Variants in SMARCA2 observed in about 807,000 individuals in gnomAD.
The protein encoded by SMARCA2 is SWI/SNF related BAF chromatin remodeling complex subunit ATPase 2.
In SMARCA2, 61 loss-of-function variants were observed where a neutral mutation model predicts 199.8. The ratio of observed to expected loss-of-function variants is 0.31; its 90% CI spans 0.25 to 0.38. The LOEUF (loss-of-function observed/expected upper bound fraction) is 0.38, where lower values mean the gene tolerates loss of function less well. SMARCA2 is among the 10% of genes least tolerant of loss of function. The probability of loss-of-function intolerance (pLI) is 1.00; values close to 1 mark genes in which losing one functional copy is unlikely to be tolerated. For missense variants in SMARCA2, 1,344 were observed against 2,012.2 expected (o/e 0.67, Z 6.35); for synonymous variants, 935 against 732.0 (o/e 1.28, Z -4.48).
intron 1 of SMARCA2, among the ~76,000 whole-genome samples, chr9:2,020,188 T>C (rs1818538905): frequency 6.6e-6 from 1 of 152,204 alleles, no homozygotes; most frequent in African/African-American, 2.4e-5. Context: ...ATTTCCCTAG[T>C]ATGAAAGCCA....
chr9:2,143,551 G>A (rs943014303), intron 27 of SMARCA2, among the ~76,000 whole-genome samples: 5 of 152,170 alleles, frequency 3.3e-5, no homozygotes, highest in Non-Finnish European at 7.4e-5. Context: ...TGGGAGAGGA[G>A]ACCCGTCTGA....
At chr9:2,145,978 AT>A (rs1235365288) in intron 27 of SMARCA2, among the ~76,000 whole-genome samples, 17 of 152,192 alleles carry the variant, frequency 1.1e-4, no homozygotes, top group Non-Finnish European at 2.5e-4. Flanking sequence ...GTGGGAATAA[AT>A]ATGGCATGCT....
chr9:2,181,442 C>G lies in SMARCA2; in HGVS notation c.4254-129C>G, dbSNP rs561749484. On this transcript the variant is annotated intron_variant, in intron 29 of 33. Transcript: ENST00000349721. Reference sequence around the variant, plus strand: ...AATAGAGTTGTGGGATTTTTCCTGACTTAAAAAGCTCCATATCTATATGCG... The same window carrying G: ...AATAGAGTTGTGGGATTTTTCCTGAGTTAAAAAGCTCCATATCTATATGCG... The G allele has an allele frequency of 4.7e-5, 29 of 620,832 alleles. No individual in the cohort carries two copies. In the African/African-American group the frequency reaches 5.1e-4, roughly 11 times the overall value. 38.5% of individuals were successfully genotyped at this position (620,832 alleles called of 1,614,324 possible).
At chr9:2,111,707 C>G (rs1201338310) in intron 24 of SMARCA2, among the ~76,000 whole-genome samples, 1 of 152,038 alleles carries the variant, frequency 6.6e-6, no homozygotes, top group Non-Finnish European at 1.5e-5. Flanking sequence ...TCTAAGGGAG[C>G]TTTTAAAAAA....
chr9:2,047,370 CCCCG>C lies in SMARCA2; in HGVS notation c.933_936del (p.Pro312GlyfsTer42), dbSNP rs1819910677. On this transcript the variant is annotated frameshift_variant, in exon 5 of 34. Coordinates refer to ENST00000349721, the MANE Select transcript of SMARCA2 (RefSeq NM_003070.5). LOFTEE classifies it high-confidence loss of function. ...CCCGGGCCCTCAGTGCCGCAGCCGG[CCCCG>C]GGGCAGCCCTCGCCCGTCCTCCAGC... The C allele has an allele frequency of 6.5e-7, 1 of 1,537,776 alleles. No individual in the cohort carries two copies. The highest frequency in any genetic ancestry group is 1.4e-5 in the African/African-American group (1 of 70,910).
intron 10 of SMARCA2, 118 bp downstream of exon 10, chr9:2,070,589 A>T (rs1240548527): frequency 5.7e-6 from 4 of 704,032 alleles, no homozygotes; most frequent in Non-Finnish European, 9.8e-6. Flanking sequence ...TTTAAGTAAA[A>T]ATAGTAATAC....
At chr9:2,107,491 T>C (rs1822808660) in intron 23 of SMARCA2, among the ~76,000 whole-genome samples, 1 of 152,188 alleles carries the variant, frequency 6.6e-6, no homozygotes, top group Non-Finnish European at 1.5e-5. Context: ...CTAACTTTTA[T>C]ATTTTTAGTA....
At chr9:2,159,809 A>G (rs1484926860) in intron 27 of SMARCA2, 2 of 1,608,842 alleles carry the variant, frequency 1.2e-6, no homozygotes, top group Admixed American at 1.7e-5. Flanking sequence ...TTTTTTCCTG[A>G]TCAGCTGATG....
chr9:2,064,972 C>A (rs10964602), intron 9 of SMARCA2, among the ~76,000 whole-genome samples: 27,617 of 152,142 alleles, frequency 0.18, 2,675 homozygotes, highest in Middle Eastern at 0.24. Flanking sequence ...ATCACGAAGT[C>A]AGGAGATCGA....
At chr9:2,129,382 C>T (rs1216685425) in intron 27 of SMARCA2, among the ~76,000 whole-genome samples, 1 of 152,162 alleles carries the variant, frequency 6.6e-6, no homozygotes, top group African/African-American at 2.4e-5. Flanking sequence ...CGTGCCATTG[C>T]ACTCCTGCCT....
rs535020994 is a variant in SMARCA2 at position 2,077,591 on chromosome 9, C to T, written c.2037-38C>T. ...TGAAGTAAAACAACACATGCACGCA[C>T]ATGTCTGTGTGTGATTCTCCACTTT... On this transcript the variant is annotated intron_variant, in intron 13 of 33. Coordinates refer to ENST00000349721, the MANE Select transcript of SMARCA2 (RefSeq NM_003070.5). The T allele has an allele frequency of 7.3e-5, 117 of 1,599,750 alleles. 1 individual carries two copies. The South Asian group carries it at 1.2e-3, about 16-fold the overall frequency.
chr9:2,161,604 G>A lies in SMARCA2; in HGVS notation c.3982-82G>A. On this transcript the variant is annotated intron_variant, in intron 27 of 33. Transcript: ENST00000349721. This position sits in a 1 kb window ranked among gnomAD's most constrained non-coding sequence, Gnocchi z 4.7. Reference sequence around the variant, plus strand: ...CTTTCATTTTATTCTAATTGTTGGAGCTATATATAAATATACACATACTTT... The same window carrying A: ...CTTTCATTTTATTCTAATTGTTGGAACTATATATAAATATACACATACTTT... The A allele has an allele frequency of 1.1e-6, 1 of 876,914 alleles. No homozygotes were observed. The highest frequency in any genetic ancestry group is 2.5e-5 in the East Asian group (1 of 39,516). The allele number at this position is 876,914 out of a possible 1,614,324, so 54.3% of individuals were successfully genotyped here.
At chr9:2,050,306 A>G (rs1820059164) in intron 5 of SMARCA2, among the ~76,000 whole-genome samples, 1 of 151,402 alleles carries the variant, frequency 6.6e-6, no homozygotes, top group Admixed American at 6.6e-5. Flanking sequence ...TGTCAGAGAG[A>G]TGTTTCCCTG....
At chr9:2,160,300 G>T in intron 27 of SMARCA2, 1 of 415,046 alleles carries the variant, frequency 2.4e-6, no homozygotes, top group Non-Finnish European at 4.3e-6. Flanking sequence ...GTAGGATCGT[G>T]ATGGAAATTG....
intron 21 of SMARCA2, among the ~76,000 whole-genome samples, chr9:2,098,959 A>AAAG (rs36051244): frequency 0.11 from 17,196 of 151,300 alleles, 1,389 homozygotes; most frequent in East Asian, 0.39. Context: ...AAAAAAAAAA[A>AAAG]AAAGTCACAG....
chr9:2,192,889 A>G lies in SMARCA2; in HGVS notation c.*150A>G, dbSNP rs1353784870. ...CTTTAGGATAGTGCCAGACAAACAT[A>G]TGATATCATGGTGTAAAAAACACAC... On this transcript the variant is annotated 3_prime_UTR_variant, in exon 34 of 34. Transcript: ENST00000349721. 4.7e-6 allele frequency: 3 copies of G among 644,840 alleles called. No homozygotes were observed. In the African/African-American group the frequency reaches 5.5e-5, roughly 12 times the overall value. 39.9% of individuals were successfully genotyped at this position (644,840 alleles called of 1,614,324 possible).
intron 19 of SMARCA2, 132 bp from the exon 20 acceptor site, chr9:2,096,525 C>T: frequency 1.6e-6 from 1 of 635,948 alleles, no homozygotes; most frequent in Non-Finnish European, 2.8e-6. Flanking sequence ...TCTCACCCCG[C>T]ACTCCGTGAA....
At chr9:2,136,057 G>C (rs1824180653) in intron 27 of SMARCA2, among the ~76,000 whole-genome samples, 1 of 149,848 alleles carries the variant, frequency 6.7e-6, no homozygotes. Context: ...GACCAGGCTG[G>C]TCTCGAACTC....
chr9:2,096,648 T>A lies in SMARCA2; in HGVS notation c.2884-9T>A. On this transcript the variant is annotated splice_polypyrimidine_tract_variant and intron_variant, in intron 19 of 33. Coordinates refer to ENST00000349721, the MANE Select transcript of SMARCA2 (RefSeq NM_003070.5). ...TGCTCTTGCCTACTTACTGTTCTCT[T>A]TTCTGCAGGTGGAATATGTGATCAA... The A allele has an allele frequency of 6.3e-7, 1 of 1,598,066 alleles. No homozygotes were observed.
Sources: allele counts gnomAD v4.1 joint callset (sites outside exome capture counted in the v4.1 genomes callset), GRCh38; gene constraint gnomAD v4.1.1; non-coding constraint Gnocchi (gnomAD v3.1); transcripts MANE v1.5; gene names NCBI Gene and HGNC (gene_info 2026-07-23, HGNC 2026-07-21).